The following CPT1A variants were observed in gnomAD, a reference collection of about 807,000 sequenced individuals.
CPT1A encodes the protein carnitine palmitoyltransferase 1A.
CPT1A carries 64 observed loss-of-function variants against 100.8 expected under a neutral mutation model. The observed-to-expected ratio is 0.63, with a 90% CI of 0.52 to 0.78. CPT1A has a LOEUF of 0.78. Ranked by LOEUF, CPT1A falls within the 30% of genes least tolerant of loss-of-function variation. The pLI is 0.00. For synonymous variants in CPT1A, 363 were observed against 396.0 expected (o/e 0.92, Z 0.99); for missense variants, 802 against 1,034.1 (o/e 0.78, Z 3.08).
intron 7 of CPT1A, among the ~76,000 whole-genome samples, chr11:68,796,611 C>T (rs556038212): frequency 2.0e-5 from 3 of 152,306 alleles, no homozygotes; most frequent in African/African-American, 4.8e-5. Context: ...TGAGGAATTC[C>T]TGTTTGCCAG....
At chr11:68,812,359 T>C (rs768145858) in intron 3 of CPT1A, 78 bp downstream of exon 3, 85 of 1,557,522 alleles carry the variant, frequency 5.5e-5, no homozygotes, top group Non-Finnish European at 7.3e-5. Context: ...GTGACAATCA[T>C]CACATTTGAA....
chr11:68,793,376 T>A lies in CPT1A; in HGVS notation c.906A>T (p.Pro302=). Residue 302 remains proline (P), a synonymous_variant, in exon 9 of 19, where the codon CCA becomes CCT. Coordinates refer to ENST00000265641, the MANE Select transcript of CPT1A (RefSeq NM_001876.4). ...KPIRLLGSTI[P]LCSAQWERMF... ...TCCGCTCCCACTGAGCGGAGCAGAGTGGAATCGTGGATCCCAAAAGACGAA... is the reference window on the plus strand; with the variant it reads ...TCCGCTCCCACTGAGCGGAGCAGAGAGGAATCGTGGATCCCAAAAGACGAA... 1 of 1,611,486 alleles carries A rather than the reference T, an allele frequency of 6.2e-7. No individual in the cohort carries two copies. The highest frequency in any genetic ancestry group is 8.5e-7 in the Non-Finnish European group (1 of 1,178,874).
chr11:68,840,742 C>G (rs1857138049), intron 1 of CPT1A, among the ~76,000 whole-genome samples: 1 of 152,258 alleles, frequency 6.6e-6, no homozygotes, highest in Non-Finnish European at 1.5e-5. Context: ...TGACCCATGG[C>G]CTCTCCTGAC....
At chr11:68,793,279 C>T (rs528629273) in intron 9 of CPT1A, 36 bp downstream of exon 9, 31 of 1,511,240 alleles carry the variant, frequency 2.1e-5, no homozygotes, top group African/African-American at 9.6e-5. Context: ...TGGAAAGTGC[C>T]GATTCTCCAG....
chr11:68,765,821 A>G (rs1352067438), intron 14 of CPT1A, among the ~76,000 whole-genome samples: 2 of 152,194 alleles, frequency 1.3e-5, no homozygotes, highest in Admixed American at 1.3e-4. Context: ...AGGCCACTGA[A>G]TAGAAATAAC....
rs547500035 is a variant in CPT1A at position 68,801,524 on chromosome 11, G to A, written c.556-2169C>T. Among the ~76,000 whole-genome samples, 49 of 152,124 alleles carry A rather than the reference G, an allele frequency of 3.2e-4. 2 individuals carry two copies. In the South Asian group the frequency reaches 8.9e-3, roughly 28 times the overall value. ...GCACATCTGTAATCCCAGCTACTCA[G>A]GAGGCTGAGGCAAGATAATTGTTTG... On this transcript the variant is annotated intron_variant, in intron 5 of 18. Coordinates refer to ENST00000265641, the MANE Select transcript of CPT1A (RefSeq NM_001876.4).
At chr11:68,768,007 T>G (rs1226471960) in intron 14 of CPT1A, among the ~76,000 whole-genome samples, 1 of 148,700 alleles carries the variant, frequency 6.7e-6, no homozygotes, top group Admixed American at 6.7e-5. Context: ...TCTTTAACCT[T>G]GGCAAAATCA....
chr11:68,758,113 C>T (rs1157387099), intron 18 of CPT1A, among the ~76,000 whole-genome samples: 4 of 152,034 alleles, frequency 2.6e-5, no homozygotes, highest in African/African-American at 4.8e-5. Flanking sequence ...ACAAAAAATA[C>T]AAAAATCAGC....
At chr11:68,763,018 T>A (rs566409285) in intron 14 of CPT1A, among the ~76,000 whole-genome samples, 230 of 152,188 alleles carry the variant, frequency 1.5e-3, no homozygotes, top group African/African-American at 4.8e-3. Context: ...CTAATTTTTT[T>A]AAAATTTTTT....
intron 12 of CPT1A, among the ~76,000 whole-genome samples, chr11:68,780,093 T>G (rs1202038085): frequency 1.3e-5 from 2 of 152,074 alleles, no homozygotes; most frequent in East Asian, 3.9e-4. Flanking sequence ...CATTTCACTC[T>G]TTTGTTCCCT....
chr11:68,791,141 T>A (rs1037787835), intron 9 of CPT1A, among the ~76,000 whole-genome samples: 18 of 152,192 alleles, frequency 1.2e-4, no homozygotes, highest in South Asian at 2.1e-4. Context: ...TTTATTTTTT[T>A]AAACACATAC....
At position 68,757,265 on chromosome 11, in the gene CPT1A, C is replaced by T; in HGVS notation, c.*379G>A. ...TACCCTGCTTGGATGATGCTAAATG[C>T]CCTTAAGCACTAGGCCTTCGGTTGC... On this transcript the variant is annotated 3_prime_UTR_variant, in exon 19 of 19. Transcript: ENST00000265641. The T allele has an allele frequency of 9.0e-7, 1 of 1,111,088 alleles. No individual in the cohort carries two copies. The highest frequency in any genetic ancestry group is 2.4e-5 in the South Asian group (1 of 41,996). 68.8% of individuals were successfully genotyped at this position (1,111,088 alleles called of 1,614,324 possible).
chr11:68,812,327 G>T, intron 3 of CPT1A, 110 bp downstream of exon 3: 1 of 1,438,672 alleles, frequency 7.0e-7, no homozygotes. Flanking sequence ...AGCATCAGGA[G>T]CTTCATATGG....
At chr11:68,828,379 C>T (rs1199861853) in intron 1 of CPT1A, among the ~76,000 whole-genome samples, 4 of 148,158 alleles carry the variant, frequency 2.7e-5, no homozygotes, top group African/African-American at 9.8e-5. Flanking sequence ...GCCACCTGTC[C>T]GCTACAGCCA....
Position 68,783,164 on chromosome 11 carries a change from G to C in CPT1A, c.1164-1205C>G, listed in dbSNP as rs112372507. ...CCATCCCGCTCCTGCTCCCAGGCCT[G>C]GCCCTCTTTCAGGCCCTCACTACTT... On this transcript the variant is annotated intron_variant, in intron 10 of 18. Transcript: ENST00000265641. Among the ~76,000 whole-genome samples, 743 of 152,094 alleles carry C rather than the reference G, an allele frequency of 4.9e-3. 13 individuals carry two copies. The highest frequency in any genetic ancestry group is 0.017 in the African/African-American group (705 of 41,486).
chr11:68,762,710 G>A lies in CPT1A; in HGVS notation c.1792C>T (p.Arg598Ter), dbSNP rs773153659. ...CGCACGGTCTCCGTCCTCCCCTCTC[G>A]GAAGAGCCGGGTCATGGAGGCCTCG... ...TYEASMTRLF[R>*]EGRTETVRSC... The change falls in exon 15 of 19, where the codon CGA (arginine) becomes TGA (stop). Residue 598 changes from arginine (R) to a stop codon, truncating the protein, a stop_gained. Coordinates refer to ENST00000265641, the MANE Select transcript of CPT1A (RefSeq NM_001876.4). LOFTEE classifies it high-confidence loss of function. 48 of 1,613,922 alleles carry A rather than the reference G, an allele frequency of 3.0e-5. No homozygotes were observed. Among genetic ancestry groups the A allele is most frequent in the Non-Finnish European group, 4.1e-5 (48 of 1,180,032 alleles).
chr11:68,784,915 T>A lies in CPT1A; in HGVS notation c.1063A>T (p.Lys355Ter). ...ATCTGCTGCTCCATCTCCCGGGGCT[T>A]CAGCAGCCGCCCATCATGGTAGAGC... Reference protein sequence around the residue: ...VWLYHDGRLLKPREMEQQMQR... With the variant: ...VWLYHDGRLL Residue 355 changes from lysine to a stop codon, truncating the protein, a stop_gained, in exon 10 of 19, where the codon AAG (lysine) becomes TAG (stop). Transcript: ENST00000265641. LOFTEE classifies it high-confidence loss of function. 1.9e-6 allele frequency: 3 copies of A among 1,614,096 alleles called. No homozygotes were observed. The highest frequency in any genetic ancestry group is 2.7e-5 in the African/African-American group (2 of 75,062).
chr11:68,802,169 T>C (rs1210789311), intron 5 of CPT1A, among the ~76,000 whole-genome samples: 1 of 152,042 alleles, frequency 6.6e-6, no homozygotes, highest in Non-Finnish European at 1.5e-5. Flanking sequence ...TTTTGGGGGA[T>C]GAAATGTCCT....
chr11:68,815,437 G>A lies in CPT1A; in HGVS notation c.38C>T (p.Thr13Met), dbSNP rs1856357909. 3.1e-6 allele frequency: 5 copies of A among 1,614,052 alleles called. No homozygotes were observed. Among genetic ancestry groups the A allele is most frequent in the Non-Finnish European group, 3.4e-6 (4 of 1,179,970 alleles). The change falls in exon 2 of 19, where the codon ACG (threonine) becomes ATG (methionine). Residue 13 changes from threonine (T) to methionine (M), a missense_variant. By Grantham distance (81) the Thr-to-Met change is moderately conservative. Coordinates refer to ENST00000265641, the MANE Select transcript of CPT1A (RefSeq NM_001876.4). ...CAGGTCAATCCCGTCCGGAGTGACC[G>A]TGAACTGAAAGGCCACAGCTTGGTG... ...EAHQAVAFQF[T>M]VTPDGIDLRL...
Sources: gnomAD v4.1 joint callset for allele counts (sites outside exome capture counted in the v4.1 genomes callset) on GRCh38, gnomAD v4.1.1 for gene constraint, MANE v1.5 for transcripts, NCBI Gene and HGNC (gene_info 2026-07-23, HGNC 2026-07-21) for gene names.